The following DOCK7 variants were observed in gnomAD, a reference collection of about 807,000 sequenced individuals.
DOCK7 encodes dedicator of cytokinesis 7, also known as dedicator of cytokinesis protein 7.
DOCK7 carries 138 observed loss-of-function variants against 271.0 expected under a neutral mutation model. The observed-to-expected ratio is 0.51, with a 90% CI of 0.44 to 0.59. The LOEUF (loss-of-function observed/expected upper bound fraction) is 0.59. Ranked by LOEUF, DOCK7 falls within the 20% of genes least tolerant of loss-of-function variation. The pLI is 0.00. For missense variants in DOCK7, 2,066 were observed against 2,592.4 expected (o/e 0.80, Z 4.41); for synonymous variants, 823 against 876.1 (o/e 0.94, Z 1.07).
chr1:62,658,655 G>A (rs1216380485), intron 2 of DOCK7, among the ~76,000 whole-genome samples: 2 of 151,864 alleles, frequency 1.3e-5, no homozygotes, highest in African/African-American at 4.8e-5. Context: ...TATCCTTGAA[G>A]AATGAAGGGG....
rs991770846 is a variant in DOCK7, at chr1:62,582,466, C to T, written c.1871+718G>A. ...TTGGGAGGCTGAGGCAGGAGAATGG[C>T]GTGAACCCGGGAGGCGGAGCTTGCA... On this transcript the variant is annotated intron_variant, in intron 16 of 49. Coordinates refer to ENST00000635253, the MANE Select transcript of DOCK7 (RefSeq NM_001367561.1). 2.1e-4 allele frequency among the ~76,000 whole-genome samples: 28 copies of T among 133,882 alleles called. No individual in the cohort carries two copies. The South Asian group carries it at 2.3e-3, about 11-fold the overall frequency. The allele number at this position is 133,882 out of a possible 152,430, so 87.8% of individuals were successfully genotyped here.
chr1:62,655,034 G>A (rs1383719576), intron 2 of DOCK7, among the ~76,000 whole-genome samples: 2 of 152,204 alleles, frequency 1.3e-5, no homozygotes, highest in African/African-American at 4.8e-5. Flanking sequence ...CTCTAGCACT[G>A]TGAGAGAATA....
rs149686660 is a variant in DOCK7, at chr1:62,672,554, T to C, written c.39-9424A>G. On this transcript the variant is annotated intron_variant, in intron 1 of 49. Transcript: ENST00000635253. ...TCCCTGGTATGGATAAACAAACATATTTAACCAGTCTCCACGGGTGGACCT... is the reference window on the plus strand; with the variant it reads ...TCCCTGGTATGGATAAACAAACATACTTAACCAGTCTCCACGGGTGGACCT... Among the ~76,000 whole-genome samples the C allele has an allele frequency of 1.9e-3, 284 of 152,238 alleles. 1 individual carries two copies. The highest frequency in any genetic ancestry group is 6.8e-3 in the Middle Eastern group (2 of 294).
chr1:62,641,204 A>T (rs955626441), intron 7 of DOCK7: 4 of 382,424 alleles, frequency 1.0e-5, no homozygotes, highest in African/African-American at 4.2e-5. Flanking sequence ...CTATAGACTC[A>T]TGAGCTGTCT....
At chr1:62,655,382 G>T (rs1657883262) in intron 2 of DOCK7, among the ~76,000 whole-genome samples, 1 of 151,434 alleles carries the variant, frequency 6.6e-6, no homozygotes, top group Non-Finnish European at 1.5e-5. Flanking sequence ...ATCTGAAGGT[G>T]CTTTAACCTA....
At chr1:62,489,380 C>T (rs1390987316) in intron 41 of DOCK7, among the ~76,000 whole-genome samples, 5 of 152,058 alleles carry the variant, frequency 3.3e-5, no homozygotes, top group Admixed American at 6.6e-5. Flanking sequence ...ACATGGGAGG[C>T]GGAGTGTGCA....
chr1:62,502,820 C>G (rs1168030), intron 37 of DOCK7, among the ~76,000 whole-genome samples: 3 of 151,734 alleles, frequency 2.0e-5, no homozygotes, highest in Non-Finnish European at 4.4e-5. Flanking sequence ...AATTCCAGGA[C>G]GTATGTAATA....
intron 12 of DOCK7, among the ~76,000 whole-genome samples, chr1:62,622,397 GTTTGA>G (rs2149596426): frequency 6.6e-6 from 1 of 152,008 alleles, no homozygotes; most frequent in Admixed American, 6.5e-5. Flanking sequence ...TATTGTGTGG[GTTTGA>G]TTTTTTTTTT....
intron 43 of DOCK7, chr1:62,482,375 A>C: frequency 6.9e-6 from 1 of 145,866 alleles, no homozygotes; most frequent in Non-Finnish European, 1.5e-5. Flanking sequence ...ACAAAGTCTC[A>C]CTCTTGTTGC....
rs1031152443 is a variant in DOCK7, at chr1:62,495,637, A to G, written c.4968T>C (p.Thr1656=). 1.9e-6 allele frequency: 3 copies of G among 1,590,098 alleles called. No homozygotes were observed. Among genetic ancestry groups the G allele is most frequent in the Non-Finnish European group, 1.7e-6 (2 of 1,174,346 alleles). Reference sequence around the variant, plus strand: ...CCTCCTGGTGTTCCTTCATTTTCACAGTATCAGAAAGAATCATATGGAGAT... The same window carrying G: ...CCTCCTGGTGTTCCTTCATTTTCACGGTATCAGAAAGAATCATATGGAGAT... The part of the protein sequence containing the change: ...VFNLHMILSD[T]VKMKEHQEDP... The change falls in exon 39 of 50, where the codon ACT becomes ACC. Residue 1656 remains threonine, a synonymous_variant. Coordinates refer to ENST00000635253, the MANE Select transcript of DOCK7 (RefSeq NM_001367561.1).
At chr1:62,674,002 G>A (rs1660283940) in intron 1 of DOCK7, among the ~76,000 whole-genome samples, 1 of 151,984 alleles carries the variant, frequency 6.6e-6, no homozygotes, top group African/African-American at 2.4e-5. Context: ...GATTGGAAAG[G>A]AAGAAATAAA....
At chr1:62,620,216 G>A (rs1383124855) in intron 12 of DOCK7, among the ~76,000 whole-genome samples, 2 of 151,944 alleles carry the variant, frequency 1.3e-5, no homozygotes, top group African/African-American at 4.8e-5. Flanking sequence ...CCAGCTACAT[G>A]GGAGGCTGAG....
chr1:62,508,770 T>C (rs1351096550), intron 34 of DOCK7, among the ~76,000 whole-genome samples: 3 of 142,420 alleles, frequency 2.1e-5, no homozygotes, highest in East Asian at 2.0e-4. Context: ...ACAAAACAGT[T>C]TGATGCAATA....
In DOCK7 at chr1:62,620,136, A is replaced by T. The variant is rs1005628693; in HGVS notation, c.1426-143T>A. ...AGAGTTTGAAACCAGCCTGGCCAAC[A>T]TGGTGAAACCCCGTCTCTACTAAAA... On this transcript the variant is annotated intron_variant, in intron 12 of 49. Coordinates refer to ENST00000635253, the MANE Select transcript of DOCK7 (RefSeq NM_001367561.1). 4 of 490,336 alleles carry T rather than the reference A, an allele frequency of 8.2e-6. No individual in the cohort carries two copies. The South Asian group carries it at 1.2e-4, about 15-fold the overall frequency. 30.4% of individuals were successfully genotyped at this position (490,336 alleles called of 1,614,324 possible).
rs558532592 is a variant in DOCK7 at position 62,586,684 on chromosome 1, TCACAAAATAC to T, written c.1683-70_1683-61del. ...ATATCTAAGAAACACTATGTATCACTCACAAAATACCACAAAATAAGTGACCAAATACTGA... is the reference window on the plus strand; with the variant it reads ...ATATCTAAGAAACACTATGTATCACTCACAAAATAAGTGACCAAATACTGA... On this transcript the variant is annotated intron_variant, in intron 14 of 49. Coordinates refer to ENST00000635253, the MANE Select transcript of DOCK7 (RefSeq NM_001367561.1). 1.6e-4 allele frequency: 164 copies of T among 1,002,596 alleles called. No individual in the cohort carries two copies. The African/African-American group carries it at 2.6e-3, about 16-fold the overall frequency. The allele number at this position is 1,002,596 out of a possible 1,614,324, so 62.1% of individuals were successfully genotyped here. A position where few individuals can be genotyped will look rare whatever the true frequency, so the allele number is the denominator to read the frequency against.
chr1:62,612,518 C>T (rs1175964302), intron 14 of DOCK7, among the ~76,000 whole-genome samples: 1 of 151,986 alleles, frequency 6.6e-6, no homozygotes, highest in East Asian at 1.9e-4. Context: ...ACATTCTGCA[C>T]TTGTATCCCG....
chr1:62,492,897 T>A, intron 40 of DOCK7, 50 bp from the exon 41 acceptor site: 2 of 1,462,514 alleles, frequency 1.4e-6, no homozygotes, highest in East Asian at 4.7e-5. Context: ...TTTTCTAGCA[T>A]AAAAATGTAT....
At chr1:62,645,096 T>C (rs1334472896) in intron 7 of DOCK7, among the ~76,000 whole-genome samples, 1 of 152,214 alleles carries the variant, frequency 6.6e-6, no homozygotes, top group Non-Finnish European at 1.5e-5. Context: ...CCTAACTTGC[T>C]AGTGGTAATG....
intron 37 of DOCK7, among the ~76,000 whole-genome samples, chr1:62,499,383 G>GA (rs1169458549): frequency 2.0e-5 from 3 of 152,068 alleles, no homozygotes; most frequent in Non-Finnish European, 2.9e-5. Flanking sequence ...TGGGGGAATA[G>GA]AAAAAACCCC....
Sources: gnomAD v4.1 joint callset for allele counts (sites outside exome capture counted in the v4.1 genomes callset) on GRCh38, gnomAD v4.1.1 for gene constraint, MANE v1.5 for transcripts, NCBI Gene and HGNC (gene_info 2026-07-23, HGNC 2026-07-21) for gene names.